Variants in EXOSC9 observed in about 807,000 individuals in gnomAD.
EXOSC9 encodes exosome complex component RRP45.
In EXOSC9, 38 loss-of-function variants were observed where a neutral mutation model predicts 56.5. The ratio of observed to expected loss-of-function variants is 0.67; its 90% CI spans 0.52 to 0.88. The LOEUF (loss-of-function observed/expected upper bound fraction) is 0.88. Among genes scored for constraint, EXOSC9 ranks in the 40% least tolerant of loss-of-function variants. EXOSC9 has a pLI of 0.00. For missense variants in EXOSC9, 559 were observed against 530.5 expected (o/e 1.05, Z -0.53); for synonymous variants, 170 against 170.8 (o/e 0.99, Z 0.04).
chr4:121,804,935 C>T (rs917226991), intron 5 of EXOSC9, among the ~76,000 whole-genome samples, 176 bp downstream of exon 5: 7 of 152,316 alleles, frequency 4.6e-5, no homozygotes, highest in South Asian at 4.1e-4. Context: ...ATCTCTTAAC[C>T]GTTCCTCTGT....
intron 2 of EXOSC9, 31 bp downstream of exon 2, chr4:121,801,952 G>A: frequency 6.9e-7 from 1 of 1,458,164 alleles, no homozygotes; most frequent in Non-Finnish European, 9.6e-7. Flanking sequence ...TACACATTCG[G>A]AAGGGAGAAG....
intron 10 of EXOSC9, chr4:121,814,901 CTT>C (rs1724432573): frequency 6.6e-6 from 1 of 152,110 alleles, no homozygotes; most frequent in African/African-American, 2.4e-5. Flanking sequence ...AATAGAATGA[CTT>C]ATTTTCTTAC....
chr4:121,807,701 A>C, intron 6 of EXOSC9, 79 bp downstream of exon 6: 1 of 870,202 alleles, frequency 1.1e-6, no homozygotes, highest in South Asian at 1.4e-5. Context: ...TGTCATGTTA[A>C]TATTAAACAA....
chr4:121,813,964 A>T lies in EXOSC9; in HGVS notation c.1073A>T (p.Asp358Val). The change falls in exon 10 of 12, where the codon GAT becomes GTT. Residue 358 changes from aspartate (D) to valine (V), a missense_variant. Asp to Val is a radical substitution (Grantham distance 152, BLOSUM62 -3). Transcript: ENST00000243498. ...CTTGAAGACTCTGAGAAGGAAGATG[A>T]TGAAGGCGGTGGTGATCAAGCTATC... ...GDLEDSEKED[D>V]EGGGDQAIIL... 6.2e-7 allele frequency: 1 copy of T among 1,613,812 alleles called. No homozygotes were observed. The highest frequency in any genetic ancestry group is 8.5e-7 in the Non-Finnish European group (1 of 1,179,750).
chr4:121,809,992 G>A lies in EXOSC9; in HGVS notation c.631G>A (p.Glu211Lys). Reference protein sequence around the residue: ...QGTYLLVDPNEREERVMDGLL... With the variant: ...QGTYLLVDPNKREERVMDGLL... ...AACATATTTATTGGTGGATCCCAAT[G>A]AACGAGAAGAACGTGTGATGGATGG... Residue 211 changes from glutamate (E) to lysine (K), a missense_variant, in exon 7 of 12, where the codon GAA (glutamate) becomes AAA (lysine). By Grantham distance (56) the Glu-to-Lys change is moderately conservative. Coordinates refer to ENST00000243498, the MANE Select transcript of EXOSC9 (RefSeq NM_005033.3). The A allele has an allele frequency of 6.2e-7, 1 of 1,614,064 alleles. No individual in the cohort carries two copies. Among genetic ancestry groups the A allele is most frequent in the Non-Finnish European group, 8.5e-7 (1 of 1,179,956 alleles).
At chr4:121,802,614 A>G in intron 2 of EXOSC9, 60 bp from the exon 3 acceptor site, 1 of 1,548,208 alleles carries the variant, frequency 6.5e-7, no homozygotes, top group South Asian at 1.2e-5. Context: ...TATCTGTTTC[A>G]GTTTTTTGTT....
At chr4:121,813,668 G>A (rs1456587885) in intron 9 of EXOSC9, 198 bp from the exon 10 acceptor site, 2 of 527,184 alleles carry the variant, frequency 3.8e-6, no homozygotes, top group African/African-American at 1.9e-5. Flanking sequence ...CTTATTAATT[G>A]CATCCATAAA....
Position 121,817,004 on chromosome 4 carries a change from A to G in EXOSC9, c.*148A>G, listed in dbSNP as rs1256642872. On this transcript the variant is annotated 3_prime_UTR_variant, in exon 12 of 12. Coordinates refer to ENST00000243498, the MANE Select transcript of EXOSC9 (RefSeq NM_005033.3). ...TTTTGTTTTTAATGTGCTTTAAAAT[A>G]ATAAACCTTCTGGAGCATTTCTCGT... 1.3e-6 allele frequency: 1 copy of G among 773,944 alleles called. No homozygotes were observed. The highest frequency in any genetic ancestry group is 3.0e-5 in the East Asian group (1 of 33,580). The allele number at this position is 773,944 out of a possible 1,614,324, so 47.9% of individuals were successfully genotyped here. A position where few individuals can be genotyped will look rare whatever the true frequency, so the allele number is the denominator to read the frequency against.
chr4:121,804,175 AC>A (rs369204468), intron 4 of EXOSC9, among the ~76,000 whole-genome samples: 6,169 of 140,036 alleles, frequency 0.044, 409 homozygotes, highest in African/African-American at 0.15. Context: ...TAACTAAAAA[AC>A]TTTTTTTTTT....
At chr4:121,803,182 C>G (rs1216877947) in intron 4 of EXOSC9, among the ~76,000 whole-genome samples, 165 bp downstream of exon 4, 1 of 152,072 alleles carries the variant, frequency 6.6e-6, no homozygotes, top group Non-Finnish European at 1.5e-5. Flanking sequence ...TGCTACCTCT[C>G]TCTCTCTGAA....
chr4:121,809,912 A>G (rs1727158783), intron 6 of EXOSC9, 55 bp from the exon 7 acceptor site: 4 of 1,605,222 alleles, frequency 2.5e-6, no homozygotes, highest in Admixed American at 1.7e-5. Flanking sequence ...ATTACCCAAG[A>G]AATGGTAAGC....
intron 1 of EXOSC9, 168 bp from the exon 2 acceptor site, chr4:121,801,659 T>C: frequency 1.3e-6 from 1 of 783,370 alleles, no homozygotes; most frequent in Non-Finnish European, 2.2e-6. Context: ...TTTTCAAGGC[T>C]CCAGTCACCG....
intron 2 of EXOSC9, 142 bp from the exon 3 acceptor site, chr4:121,802,532 T>G: frequency 1.4e-6 from 1 of 714,058 alleles, no homozygotes; most frequent in Non-Finnish European, 2.3e-6. Flanking sequence ...TATTATACTT[T>G]ACATATAATT....
chr4:121,804,416 T>C, intron 4 of EXOSC9: 1 of 414,582 alleles, frequency 2.4e-6, no homozygotes, highest in Non-Finnish European at 4.3e-6. Context: ...ATTTAAAGTA[T>C]GTGTTCTGTT....
intron 5 of EXOSC9, 145 bp downstream of exon 5, chr4:121,804,904 A>G (rs927398460): frequency 5.5e-6 from 3 of 548,018 alleles, no homozygotes; most frequent in Non-Finnish European, 9.2e-6. Flanking sequence ...GAAACTGCAT[A>G]TGGTCAAAAT....
Position 121,802,941 on chromosome 4 carries a change from A to G in EXOSC9, c.308A>G (p.Asn103Ser). The change falls in exon 4 of 12, where the codon AAT (asparagine) becomes AGT (serine). Residue 103 changes from asparagine to serine, a missense_variant. Coordinates refer to ENST00000243498, the MANE Select transcript of EXOSC9 (RefSeq NM_005033.3). ...GRQSDLLVKLNRLMERCLRNS... is the reference protein window; with the variant it reads ...GRQSDLLVKLSRLMERCLRNS... ...CAGTCAGATCTCTTGGTGAAGTTGA[A>G]TCGACTCATGGAAAGATGTCTAAGA... 1.9e-6 allele frequency: 3 copies of G among 1,613,986 alleles called. No homozygotes were observed. In the South Asian group the frequency reaches 3.3e-5, roughly 18 times the overall value.
In EXOSC9 at chr4:121,801,917, A is replaced by T. The variant is rs565461980; in HGVS notation, c.157A>T (p.Thr53Ser). Reference protein sequence around the residue: ...YGCCIVELGKTRVLGQVSCEL... With the variant: ...YGCCIVELGKSRVLGQVSCEL... ...ATGCTGCATTGTGGAACTTGGAAAA[A>T]CAAGGTAACAGGATTTAAATGAGAT... The change falls in exon 2 of 12, where the codon ACA (threonine) becomes TCA (serine). Residue 53 changes from threonine (T) to serine (S), a missense_variant. Transcript: ENST00000243498. 38 of 1,606,868 alleles carry T rather than the reference A, an allele frequency of 2.4e-5. No homozygotes were observed. The Admixed American group carries it at 6.3e-4, about 27-fold the overall frequency.
chr4:121,802,241 C>G (rs1378050913), intron 2 of EXOSC9, among the ~76,000 whole-genome samples: 2 of 152,140 alleles, frequency 1.3e-5, no homozygotes, highest in Non-Finnish European at 2.9e-5. Flanking sequence ...AAGTGTACAT[C>G]CTGCTTTCTT....
intron 7 of EXOSC9, among the ~76,000 whole-genome samples, chr4:121,811,022 A>G (rs554865680): frequency 6.6e-6 from 1 of 152,186 alleles, no homozygotes; most frequent in Non-Finnish European, 1.5e-5. Context: ...TATAGCATAC[A>G]GTGTAGATGA....
Sources: allele counts gnomAD v4.1 joint callset (sites outside exome capture counted in the v4.1 genomes callset), GRCh38; gene constraint gnomAD v4.1.1; transcripts MANE v1.5; gene names NCBI Gene and HGNC (gene_info 2026-07-23, HGNC 2026-07-21).